Variants in EVI5L observed in about 807,000 individuals in gnomAD.
EVI5L encodes ecotropic viral integration site 5 like.
A neutral mutation model predicts 106.1 loss-of-function variants in EVI5L; 30 were observed. The ratio of observed to expected loss-of-function variants is 0.28; its 90% CI spans 0.21 to 0.38. EVI5L has a LOEUF of 0.38. Ranked by LOEUF, EVI5L falls within the 10% of genes least tolerant of loss-of-function variation. EVI5L has a pLI of 1.00. For missense variants in EVI5L, 809 were observed against 1,098.0 expected (o/e 0.74, Z 3.72); for synonymous variants, 489 against 483.3 (o/e 1.01, Z -0.15).
At chr19:7,837,409 G>T (rs1440501704) in intron 1 of EVI5L, among the ~76,000 whole-genome samples, 1 of 152,144 alleles carries the variant, frequency 6.6e-6, no homozygotes, top group Admixed American at 6.6e-5. Context: ...TTGAGAAGAC[G>T]ATACAGAGTT....
chr19:7,863,639 G>C lies in EVI5L; in HGVS notation c.2355G>C (p.Glu785Asp). Residue 785 changes from glutamate to aspartate, a missense_variant, in exon 20 of 20, where the codon GAG (glutamate) becomes GAC (aspartate). Coordinates refer to ENST00000538904, the MANE Select transcript of EVI5L (RefSeq NM_001159944.3). This position sits in a 1 kb window ranked among gnomAD's most constrained non-coding sequence, Gnocchi z 7.7. ...TGGAGCGGCCGGCCAAGGACAGCGAGGGCAGCTCAGACAGCGACGCCGATG... is the reference window on the plus strand; with the variant it reads ...TGGAGCGGCCGGCCAAGGACAGCGACGGCAGCTCAGACAGCGACGCCGATG... ...RRLERPAKDS[E>D]GSSDSDADEL... 1.3e-6 allele frequency: 2 copies of C among 1,546,450 alleles called. No individual in the cohort carries two copies. The highest frequency in any genetic ancestry group is 1.7e-6 in the Non-Finnish European group (2 of 1,146,616).
intron 10 of EVI5L, among the ~76,000 whole-genome samples, chr19:7,855,284 C>A (rs1442729468): frequency 1.3e-5 from 2 of 151,834 alleles, no homozygotes; most frequent in Admixed American, 1.3e-4. Context: ...CCTGGCTAAT[C>A]TTTGTGTTTT....
chr19:7,863,726 T>G lies in EVI5L; in HGVS notation c.*24T>G. 1.4e-6 allele frequency: 2 copies of G among 1,436,398 alleles called. No individual in the cohort carries two copies. Among genetic ancestry groups the G allele is most frequent in the Non-Finnish European group, 1.8e-6 (2 of 1,100,262 alleles). The allele number at this position is 1,436,398 out of a possible 1,614,324, so 89.0% of individuals were successfully genotyped here. A position where few individuals can be genotyped will look rare whatever the true frequency, so the allele number is the denominator to read the frequency against. ...GAGGCCATGCCCAGCGCGCCCGGAG[T>G]CAGGAGGCCGCAGCCGCGGGGGGCG... On this transcript the variant is annotated 3_prime_UTR_variant, in exon 20 of 20. Coordinates refer to ENST00000538904, the MANE Select transcript of EVI5L (RefSeq NM_001159944.3). This position sits in a 1 kb window ranked among gnomAD's most constrained non-coding sequence, Gnocchi z 7.7.
At chr19:7,843,200 G>GGT (rs1231261671) in intron 1 of EVI5L, among the ~76,000 whole-genome samples, 1 of 115,804 alleles carries the variant, frequency 8.6e-6, no homozygotes, top group Non-Finnish European at 1.8e-5. Flanking sequence ...TGTGTATAGG[G>GGT]GTGTGTGTGT....
rs1403129873 is a variant in EVI5L at position 7,853,351 on chromosome 19, G to A, written c.1146+18G>A. ...AGATCAAAGTGAGTCCAGGGGCCCA[G>A]GGGCGGGGACAGGGATGGGAGGCCT... On this transcript the variant is annotated intron_variant, in intron 10 of 19. Transcript: ENST00000538904. The A allele has an allele frequency of 6.2e-7, 1 of 1,604,124 alleles. No individual in the cohort carries two copies. The highest frequency in any genetic ancestry group is 8.5e-7 in the Non-Finnish European group (1 of 1,176,180).
intron 1 of EVI5L, among the ~76,000 whole-genome samples, chr19:7,838,592 G>A (rs560598284): frequency 1.3e-5 from 2 of 152,270 alleles, no homozygotes; most frequent in South Asian, 4.1e-4. Context: ...TTCAACAAAC[G>A]TTTGTCGAGC....
intron 13 of EVI5L, 70 bp from the exon 14 acceptor site, chr19:7,860,491 C>T (rs1369510805): frequency 7.1e-7 from 1 of 1,405,752 alleles, no homozygotes; most frequent in Non-Finnish European, 9.6e-7. Flanking sequence ...GGGGAGAAGC[C>T]AGCAGGCATG....
chr19:7,863,737 C>A lies in EVI5L; in HGVS notation c.*35C>A. 7.0e-7 allele frequency: 1 copy of A among 1,431,164 alleles called. No individual in the cohort carries two copies. Among genetic ancestry groups the A allele is most frequent in the Non-Finnish European group, 9.1e-7 (1 of 1,098,416 alleles). The allele number at this position is 1,431,164 out of a possible 1,614,324, so 88.7% of individuals were successfully genotyped here. On this transcript the variant is annotated 3_prime_UTR_variant, in exon 20 of 20. Transcript: ENST00000538904. This position sits in a 1 kb window ranked among gnomAD's most constrained non-coding sequence, Gnocchi z 7.7. ...CAGCGCGCCCGGAGTCAGGAGGCCG[C>A]AGCCGCGGGGGGCGCCCGGGCAGTC...
At position 7,845,561 on chromosome 19, in the gene EVI5L, G is replaced by A. The variant is rs138589002; in HGVS notation, c.-47-935G>A. On this transcript the variant is annotated intron_variant, in intron 1 of 19. Coordinates refer to ENST00000538904, the MANE Select transcript of EVI5L (RefSeq NM_001159944.3). This position sits in a 1 kb window ranked among gnomAD's most constrained non-coding sequence, Gnocchi z 4.0. ...ACAGCCACCCTTGAGGCTAGGTCCT[G>A]TATGATCTCAGTGTACGGAGGCTCA... 6.6e-3 allele frequency among the ~76,000 whole-genome samples: 1,013 copies of A among 152,346 alleles called. 13 individuals carry two copies. The highest frequency in any genetic ancestry group is 0.024 in the African/African-American group (979 of 41,572).
chr19:7,849,394 A>G (rs1192349780), intron 5 of EVI5L, 64 bp downstream of exon 5: 1 of 1,560,994 alleles, frequency 6.4e-7, no homozygotes, highest in South Asian at 1.1e-5. Context: ...TCGGCCCCCA[A>G]GAGATGGACA....
chr19:7,862,944 T>C (rs1402931525), intron 17 of EVI5L, 28 bp from the exon 18 acceptor site: 46 of 831,602 alleles, frequency 5.5e-5, no homozygotes, highest in Middle Eastern at 3.5e-4. Context: ...TGACCCGCCC[T>C]CCTTTCCCCC....
chr19:7,833,510 C>T (rs527916312), intron 1 of EVI5L, among the ~76,000 whole-genome samples: 52 of 152,272 alleles, frequency 3.4e-4, no homozygotes, highest in Non-Finnish European at 6.2e-4. Context: ...AATGGGAGCC[C>T]GGAAAAAAAG....
chr19:7,831,661 C>T (rs1359422791), intron 1 of EVI5L, among the ~76,000 whole-genome samples: 3 of 152,198 alleles, frequency 2.0e-5, no homozygotes, highest in Admixed American at 6.5e-5. Context: ...ACTAGTGTCC[C>T]GAAGGAACCA....
intron 1 of EVI5L, among the ~76,000 whole-genome samples, chr19:7,834,526 T>A (rs1978315380): frequency 6.6e-6 from 1 of 152,166 alleles, no homozygotes; most frequent in Non-Finnish European, 1.5e-5. Context: ...TTGCTGCTAT[T>A]GTTATCAATA....
intron 1 of EVI5L, among the ~76,000 whole-genome samples, chr19:7,843,052 G>A (rs1487112042): frequency 2.5e-5 from 3 of 120,460 alleles, no homozygotes; most frequent in Admixed American, 8.0e-5. Flanking sequence ...AGGCATGGCT[G>A]TGTGTCGAGT....
Position 7,862,543 on chromosome 19 carries a change from C to A in EVI5L, c.1947+9C>A. ...CCGAGGCCGAGTGCAAGGTGCAGACCCCCGCGGCCCCGCCCTGCCCGTGGC... is the reference window on the plus strand; with the variant it reads ...CCGAGGCCGAGTGCAAGGTGCAGACACCCGCGGCCCCGCCCTGCCCGTGGC... On this transcript the variant is annotated intron_variant, in intron 17 of 19. Coordinates refer to ENST00000538904, the MANE Select transcript of EVI5L (RefSeq NM_001159944.3). 6.9e-7 allele frequency: 1 copy of A among 1,444,004 alleles called. No individual in the cohort carries two copies. Among genetic ancestry groups the A allele is most frequent in the Non-Finnish European group, 9.1e-7 (1 of 1,097,610 alleles). 89.4% of individuals were successfully genotyped at this position (1,444,004 alleles called of 1,614,324 possible).
intron 1 of EVI5L, among the ~76,000 whole-genome samples, chr19:7,838,007 T>A (rs1454587843): frequency 6.6e-6 from 1 of 152,022 alleles, no homozygotes; most frequent in Non-Finnish European, 1.5e-5. Flanking sequence ...CCGGCCAACC[T>A]TGACGGTTTT....
intron 10 of EVI5L, among the ~76,000 whole-genome samples, chr19:7,854,571 A>G (rs906282677): frequency 1.3e-5 from 2 of 152,180 alleles, no homozygotes; most frequent in Non-Finnish European, 2.9e-5. Context: ...GGAGTTGGAG[A>G]CCAGTCTGGG....
rs1026458503 is a variant in EVI5L at position 7,864,658 on chromosome 19, G to A, written c.*956G>A. On this transcript the variant is annotated 3_prime_UTR_variant, in exon 20 of 20. Coordinates refer to ENST00000538904, the MANE Select transcript of EVI5L (RefSeq NM_001159944.3). The surrounding 1 kb of genome is among the most constrained non-coding windows in gnomAD (Gnocchi z 4.5). ...GCTGAGAACGGTGCCAAAATCCAAC[G>A]ATGCCCCCCAGGCCCCTTCCTCCCT... is the stretch of plus-strand genomic sequence containing the variant. The A allele has an allele frequency of 6.6e-6, 1 of 152,220 alleles. No individual in the cohort carries two copies. Among genetic ancestry groups the A allele is most frequent in the East Asian group, 1.9e-4 (1 of 5,174 alleles). The allele number at this position is 152,220 out of a possible 1,614,324, so 9.4% of individuals were successfully genotyped here.
Sources: allele counts gnomAD v4.1 joint callset (sites outside exome capture counted in the v4.1 genomes callset), GRCh38; gene constraint gnomAD v4.1.1; non-coding constraint Gnocchi (gnomAD v3.1); transcripts MANE v1.5; gene names NCBI Gene and HGNC (gene_info 2026-07-23, HGNC 2026-07-21).